Variants in KCNH5 observed in about 807,000 individuals in gnomAD.
The protein encoded by KCNH5 is potassium voltage-gated channel subfamily H member 5.
KCNH5 carries 46 observed loss-of-function variants against 96.1 expected under a neutral mutation model. The observed-to-expected ratio is 0.48, with a 90% confidence interval of 0.38 to 0.61. The LOEUF is 0.61. Among genes scored for constraint, KCNH5 ranks in the 20% least tolerant of loss-of-function variants. The probability of loss-of-function intolerance (pLI) is 0.00; values close to 1 mark genes in which losing one functional copy is unlikely to be tolerated. For synonymous variants in KCNH5, 439 were observed against 449.8 expected, an observed-to-expected ratio of 0.98 and a Z score of 0.30; for missense variants, 907 against 1,225.8, an observed-to-expected ratio of 0.74 and a Z score of 3.88.
At chr14:62,991,737 C>T (rs932809083) in intron 4 of KCNH5, among the ~76,000 whole-genome samples, 1 of 152,004 alleles carries the variant, frequency 6.6e-6, no homozygotes, top group Non-Finnish European at 1.5e-5. Context: ...ATTTTTCTCA[C>T]AACACCTATG....
chr14:62,957,705 C>T (rs1385023314), intron 6 of KCNH5, among the ~76,000 whole-genome samples: 1 of 152,178 alleles, frequency 6.6e-6, no homozygotes, highest in Non-Finnish European at 1.5e-5. Flanking sequence ...TCTTGGAAGC[C>T]AGCCCAGCTG....
At chr14:62,915,127 G>A (rs981324759) in intron 7 of KCNH5, among the ~76,000 whole-genome samples, 13 of 152,190 alleles carry the variant, frequency 8.5e-5, no homozygotes, top group Non-Finnish European at 1.8e-4. Flanking sequence ...ATGCCTAACT[G>A]GCTTTGCCAC....
intron 7 of KCNH5, among the ~76,000 whole-genome samples, chr14:62,862,221 T>C (rs974276772): frequency 2.0e-5 from 3 of 152,196 alleles, no homozygotes; most frequent in African/African-American, 7.2e-5. Flanking sequence ...CTTAAAATAA[T>C]ACTGAAATTT....
intron 8 of KCNH5, among the ~76,000 whole-genome samples, chr14:62,847,148 A>T (rs1595652968): frequency 1.4e-5 from 2 of 142,532 alleles, no homozygotes; most frequent in Admixed American, 7.3e-5. Context: ...ATTTTTATAT[A>T]TTTTTTATAT....
intron 7 of KCNH5, among the ~76,000 whole-genome samples, chr14:62,881,895 T>C (rs548873543): frequency 3.3e-5 from 5 of 152,176 alleles, no homozygotes; most frequent in Admixed American, 2.6e-4. Flanking sequence ...TAAAATAACT[T>C]TGATGGTCCA....
intron 10 of KCNH5, among the ~76,000 whole-genome samples, chr14:62,715,856 G>A (rs998811021): frequency 7.2e-5 from 11 of 152,242 alleles, no homozygotes; most frequent in Middle Eastern, 3.4e-3. Context: ...CTGAGGGAGG[G>A]AGGAAAGGAG....
intron 10 of KCNH5, among the ~76,000 whole-genome samples, chr14:62,748,270 GGT>G (rs1885421523): frequency 6.6e-6 from 1 of 152,102 alleles, no homozygotes; most frequent in Non-Finnish European, 1.5e-5. Context: ...CTGCTACAAG[GGT>G]TTGTGATAGA....
intron 1 of KCNH5, among the ~76,000 whole-genome samples, chr14:63,021,177 C>T (rs1469548596): frequency 6.6e-6 from 1 of 152,038 alleles, no homozygotes; most frequent in East Asian, 1.9e-4. Context: ...TAACTCATTC[C>T]AATGTTCAGT....
chr14:63,000,280 T>G (rs1890987652), intron 4 of KCNH5, among the ~76,000 whole-genome samples: 1 of 152,266 alleles, frequency 6.6e-6, no homozygotes, highest in Non-Finnish European at 1.5e-5. Flanking sequence ...GAAGACATTT[T>G]ATTTTTAGTT....
intron 4 of KCNH5, among the ~76,000 whole-genome samples, chr14:62,990,438 C>T (rs748230477): frequency 6.6e-6 from 1 of 152,064 alleles, no homozygotes; most frequent in South Asian, 2.1e-4. Flanking sequence ...AATATTTCAT[C>T]TCTTTTCTTT....
chr14:62,831,573 A>G (rs1887350323), intron 8 of KCNH5, among the ~76,000 whole-genome samples: 1 of 152,064 alleles, frequency 6.6e-6, no homozygotes, highest in South Asian at 2.1e-4. Flanking sequence ...TGTTATCCAT[A>G]TATTTCTTAC....
chr14:62,754,883 A>G (rs370159388), intron 10 of KCNH5, among the ~76,000 whole-genome samples: 40 of 131,152 alleles, frequency 3.0e-4, no homozygotes, highest in African/African-American at 9.2e-4. Context: ...TAAAAATAAA[A>G]TAAAGTAAAA....
intron 10 of KCNH5, among the ~76,000 whole-genome samples, chr14:62,738,536 A>G (rs1267054202): frequency 6.6e-6 from 1 of 152,086 alleles, no homozygotes; most frequent in Admixed American, 6.6e-5. Context: ...AATGTCATAC[A>G]ATGATTTCTT....
chr14:62,920,659 T>C (rs917339314), intron 7 of KCNH5, among the ~76,000 whole-genome samples: 1 of 152,136 alleles, frequency 6.6e-6, no homozygotes, highest in African/African-American at 2.4e-5. Flanking sequence ...ATTTAGGGTA[T>C]GTTTGTATCA....
chr14:62,898,391 C>G (rs569933875), intron 7 of KCNH5, among the ~76,000 whole-genome samples: 64 of 152,158 alleles, frequency 4.2e-4, no homozygotes, highest in African/African-American at 1.4e-3. Flanking sequence ...ATTAAGATAT[C>G]TAAAGAAATC....
At chr14:62,988,781 T>C (rs1300295715) in intron 4 of KCNH5, among the ~76,000 whole-genome samples, 1 of 152,056 alleles carries the variant, frequency 6.6e-6, no homozygotes, top group Non-Finnish European at 1.5e-5. Flanking sequence ...CTATGACAAA[T>C]TGAGACTTTT....
At position 62,702,149 on chromosome 14, in the gene KCNH5, G is replaced by C. The variant is rs1884357588; in HGVS notation, c.*5359C>G. The C allele has an allele frequency of 6.6e-6, 1 of 152,046 alleles. No individual in the cohort carries two copies. The highest frequency in any genetic ancestry group is 6.6e-5 in the Admixed American group (1 of 15,250). 9.4% of individuals were successfully genotyped at this position (152,046 alleles called of 1,614,324 possible). On this transcript the variant is annotated 3_prime_UTR_variant, in exon 11 of 11. Coordinates refer to ENST00000322893, the MANE Select transcript of KCNH5 (RefSeq NM_139318.5). ...ACTGGAAAAGAAAATGTTGATACCA[G>C]TGACCATATATCAAACATACCACAT...
At chr14:62,863,142 G>A (rs1024983134) in intron 7 of KCNH5, among the ~76,000 whole-genome samples, 11 of 152,134 alleles carry the variant, frequency 7.2e-5, no homozygotes, top group African/African-American at 2.4e-4. Flanking sequence ...AGTCTTTAAC[G>A]TGTGTTGACA....
chr14:63,015,719 G>A (rs1405731563), intron 2 of KCNH5, among the ~76,000 whole-genome samples: 9 of 151,800 alleles, frequency 5.9e-5, no homozygotes, highest in African/African-American at 1.2e-4. Flanking sequence ...CAGTTATAAC[G>A]CCCTGTGGAA....
Sources: allele counts gnomAD v4.1 joint callset (sites outside exome capture counted in the v4.1 genomes callset), GRCh38; gene constraint gnomAD v4.1.1; transcripts MANE v1.5; gene names NCBI Gene and HGNC (gene_info 2026-07-23, HGNC 2026-07-21).